Variants in NSG2 observed in about 807,000 individuals in gnomAD.
NSG2 encodes the protein neuronal vesicle trafficking associated 2, also known as neuronal vesicle trafficking-associated protein 2.
NSG2 carries 4 observed loss-of-function variants against 16.9 expected under a neutral mutation model. That is an observed-to-expected ratio of 0.24 (90% CI 0.12 to 0.54). The LOEUF (loss-of-function observed/expected upper bound fraction) is 0.54. Among genes scored for constraint, NSG2 ranks in the 20% least tolerant of loss-of-function variants. NSG2 has a pLI of 0.95. For missense variants in NSG2, 179 were observed against 221.1 expected (o/e 0.81, Z 1.21); for synonymous variants, 98 against 88.7 (o/e 1.11, Z -0.59).
chr5:174,081,836 G>C (rs1378563388), intron 3 of NSG2, among the ~76,000 whole-genome samples: 2 of 141,302 alleles, frequency 1.4e-5, no homozygotes, highest in Non-Finnish European at 3.0e-5. Flanking sequence ...CTTGCAGTGA[G>C]CCAAGATGGC....
intron 3 of NSG2, among the ~76,000 whole-genome samples, chr5:174,076,986 A>T (rs559558575): frequency 6.6e-6 from 1 of 152,188 alleles, no homozygotes; most frequent in African/African-American, 2.4e-5. Context: ...TCAGTATTTC[A>T]GTGTCTTATC....
intron 2 of NSG2, among the ~76,000 whole-genome samples, chr5:174,050,648 T>C (rs1287702693): frequency 6.6e-6 from 1 of 152,082 alleles, no homozygotes; most frequent in African/African-American, 2.4e-5. Flanking sequence ...GGAGAGTGCT[T>C]CCTCAAACTC....
intron 3 of NSG2, chr5:174,082,686 CA>C (rs527293116): frequency 1.3e-5 from 2 of 152,318 alleles, no homozygotes; most frequent in South Asian, 2.1e-4. Context: ...TGTAAAGCAT[CA>C]AAACACAGTT....
intron 2 of NSG2, among the ~76,000 whole-genome samples, chr5:174,051,964 T>C (rs1759896049): frequency 6.6e-6 from 1 of 151,818 alleles, no homozygotes; most frequent in African/African-American, 2.4e-5. Context: ...GTGGGGTGGG[T>C]ACCAGTTTAT....
chr5:174,051,020 G>C (rs1007725824), intron 2 of NSG2, among the ~76,000 whole-genome samples: 1 of 152,134 alleles, frequency 6.6e-6, no homozygotes, highest in Non-Finnish European at 1.5e-5. Context: ...GCCTGCGCTG[G>C]CCTCCATTCC....
chr5:174,067,463 G>T (rs186683091), intron 3 of NSG2, among the ~76,000 whole-genome samples: 1 of 152,202 alleles, frequency 6.6e-6, no homozygotes, highest in Non-Finnish European at 1.5e-5. Context: ...CCACCCCCGC[G>T]CAGTTTGACT....
intron 3 of NSG2, among the ~76,000 whole-genome samples, chr5:174,098,425 C>T (rs1760840946): frequency 7.4e-6 from 1 of 136,020 alleles, no homozygotes; most frequent in African/African-American, 3.5e-5. Flanking sequence ...CTTCCAGCCT[C>T]ACCTCAGCGT....
chr5:174,085,655 C>T (rs1325606371), intron 3 of NSG2, among the ~76,000 whole-genome samples: 1 of 152,158 alleles, frequency 6.6e-6, no homozygotes, highest in Non-Finnish European at 1.5e-5. Flanking sequence ...CTTAATTTCC[C>T]GAGTTTCACT....
intron 3 of NSG2, among the ~76,000 whole-genome samples, chr5:174,068,635 G>GA (rs1760183893): frequency 6.6e-6 from 1 of 151,776 alleles, no homozygotes; most frequent in African/African-American, 2.4e-5. Flanking sequence ...TGGTGCTATG[G>GA]AAGGTGCTGG....
Position 174,107,255 on chromosome 5 carries a change from C to T in NSG2, c.325-59C>T, listed in dbSNP as rs971413289. The T allele has an allele frequency of 2.1e-6, 3 of 1,444,652 alleles. No homozygotes were observed. Among genetic ancestry groups the T allele is most frequent in the African/African-American group, 2.8e-5 (2 of 70,420 alleles). The allele number at this position is 1,444,652 out of a possible 1,614,324, so 89.5% of individuals were successfully genotyped here. A position where few individuals can be genotyped will look rare whatever the true frequency, so the allele number is the denominator to read the frequency against. ...CACTCCAGTCAGGGTGGCTGTGTTG[C>T]TGGGCAGGTTGGGAGCAGTTTGCTG... On this transcript the variant is annotated intron_variant, in intron 4 of 4. Transcript: ENST00000303177. The surrounding 1 kb of genome is among the most constrained non-coding windows in gnomAD (Gnocchi z 4.5).
In NSG2 at chr5:174,046,810, G is replaced by A; in HGVS notation, c.55G>A (p.Glu19Lys). Residue 19 changes from glutamate to lysine, a missense_variant, in exon 2 of 5, where the codon GAG (glutamate) becomes AAG (lysine). Coordinates refer to ENST00000303177, the MANE Select transcript of NSG2 (RefSeq NM_015980.5). ...SEKGTKPPSVEDGFQTVPLIT... is the reference protein window; with the variant it reads ...SEKGTKPPSVKDGFQTVPLIT... ...GAAGGGAACCAAGCCGCCTTCAGTT[G>A]AGGATGGCTTCCAGACCGTCCCTCT... 1 of 1,614,152 alleles carries A rather than the reference G, an allele frequency of 6.2e-7. No individual in the cohort carries two copies. The highest frequency in any genetic ancestry group is 8.5e-7 in the Non-Finnish European group (1 of 1,180,032).
chr5:174,048,135 C>G (rs531780345), intron 2 of NSG2, among the ~76,000 whole-genome samples: 20 of 152,248 alleles, frequency 1.3e-4, no homozygotes, highest in South Asian at 8.3e-4. Flanking sequence ...ACTGGTAAAG[C>G]CTTTAAAGAT....
At position 174,072,587 on chromosome 5, in the gene NSG2, T is replaced by C. The variant is rs1458165805; in HGVS notation, c.213+8272T>C. On this transcript the variant is annotated intron_variant, in intron 3 of 4. Transcript: ENST00000303177. The surrounding 1 kb of genome is among the most constrained non-coding windows in gnomAD (Gnocchi z 4.0). ...ACAGAGTTGGCATCAGTGAGTTACCTACTAGGTCTCCTGCTGACTGGACCA... is the reference window on the plus strand; with the variant it reads ...ACAGAGTTGGCATCAGTGAGTTACCCACTAGGTCTCCTGCTGACTGGACCA... 1.3e-5 allele frequency among the ~76,000 whole-genome samples: 2 copies of C among 152,248 alleles called. No homozygotes were observed. Among genetic ancestry groups the C allele is most frequent in the African/African-American group, 2.4e-5 (1 of 41,470 alleles).
intron 3 of NSG2, among the ~76,000 whole-genome samples, chr5:174,097,063 C>T (rs181029377): frequency 2.0e-5 from 3 of 152,226 alleles, no homozygotes; most frequent in Admixed American, 6.5e-5. Flanking sequence ...CACTACGTTC[C>T]CAATAACTCT....
intron 3 of NSG2, among the ~76,000 whole-genome samples, chr5:174,097,605 GTCTGTGTTTCTC>G (rs1390862793): frequency 1.3e-5 from 2 of 150,936 alleles, no homozygotes; most frequent in Non-Finnish European, 3.0e-5. Context: ...CTGTGTGTGT[GTCTGTGTTTCTC>G]TCTGTGTGTG....
chr5:174,051,153 G>A (rs1759882740), intron 2 of NSG2, among the ~76,000 whole-genome samples: 1 of 152,158 alleles, frequency 6.6e-6, no homozygotes, highest in African/African-American at 2.4e-5. Flanking sequence ...ATTTTTCGAT[G>A]TCACAACTAG....
At chr5:174,088,619 A>G (rs1245515182) in intron 3 of NSG2, among the ~76,000 whole-genome samples, 1 of 152,222 alleles carries the variant, frequency 6.6e-6, no homozygotes, top group Non-Finnish European at 1.5e-5. Flanking sequence ...GAGAGGAACA[A>G]GACTTTAGAT....
intron 4 of NSG2, among the ~76,000 whole-genome samples, chr5:174,104,796 C>G (rs1347388975): frequency 6.6e-6 from 1 of 152,182 alleles, no homozygotes; most frequent in Admixed American, 6.5e-5. Flanking sequence ...TAAACTCCTT[C>G]TCTGAAAGAA....
At chr5:174,085,504 A>T (rs983822557) in intron 3 of NSG2, among the ~76,000 whole-genome samples, 5 of 152,206 alleles carry the variant, frequency 3.3e-5, no homozygotes, top group Admixed American at 3.3e-4. Flanking sequence ...TCATTTTCTT[A>T]ATAGCAAATT....
Sources: gnomAD v4.1 joint callset for allele counts (sites outside exome capture counted in the v4.1 genomes callset) on GRCh38, gnomAD v4.1.1 for gene constraint, Gnocchi (gnomAD v3.1) non-coding constraint, MANE v1.5 for transcripts, NCBI Gene and HGNC (gene_info 2026-07-23, HGNC 2026-07-21) for gene names.